Variants in FOXP1 observed in about 807,000 individuals in gnomAD.
FOXP1 encodes forkhead box P1, also known as forkhead box protein P1.
In FOXP1, 15 loss-of-function variants were observed where a neutral mutation model predicts 98.2. The ratio of observed to expected loss-of-function variants is 0.15; its 90% CI spans 0.10 to 0.24. The LOEUF (loss-of-function observed/expected upper bound fraction) is 0.24, where lower values mean the gene tolerates loss of function less well. Among genes scored for constraint, FOXP1 ranks in the 10% least tolerant of loss-of-function variants. The pLI, the probability that FOXP1 is intolerant of heterozygous loss-of-function variation, is 1.00. For missense variants in FOXP1, 633 were observed against 848.5 expected, an observed-to-expected ratio of 0.75 and a Z score of 3.15; for synonymous variants, 371 against 314.5, an observed-to-expected ratio of 1.18 and a Z score of -1.90.
chr3:71,284,234 T>C (rs534082929), intron 5 of FOXP1, among the ~76,000 whole-genome samples: 1 of 152,112 alleles, frequency 6.6e-6, no homozygotes, highest in South Asian at 2.1e-4. Flanking sequence ...TCTACTGATT[T>C]TCCCCCCTCT....
intron 12 of FOXP1, among the ~76,000 whole-genome samples, chr3:71,009,629 T>C (rs1337280642): frequency 1.3e-5 from 2 of 152,160 alleles, no homozygotes; most frequent in African/African-American, 4.8e-5. Context: ...TTTTTGGATA[T>C]TTAAAATTAC....
At chr3:71,008,046 GGA>G (rs2043024513) in intron 12 of FOXP1, among the ~76,000 whole-genome samples, 1 of 152,048 alleles carries the variant, frequency 6.6e-6, no homozygotes, top group African/African-American at 2.4e-5. Flanking sequence ...TTTTCAAATA[GGA>G]TACTAAGCAA....
At chr3:71,219,457 T>C (rs1396650896) in intron 5 of FOXP1, among the ~76,000 whole-genome samples, 4 of 152,210 alleles carry the variant, frequency 2.6e-5, no homozygotes, top group Non-Finnish European at 5.9e-5. Flanking sequence ...AACCAATACC[T>C]AATTCAGTCA....
chr3:71,125,257 C>G (rs1302915311), intron 6 of FOXP1, among the ~76,000 whole-genome samples: 1 of 152,118 alleles, frequency 6.6e-6, no homozygotes, highest in Non-Finnish European at 1.5e-5. Context: ...TTTATATAAA[C>G]AGAAAGTTTA....
At chr3:71,064,064 G>A (rs938110552) in intron 7 of FOXP1, among the ~76,000 whole-genome samples, 5 of 152,094 alleles carry the variant, frequency 3.3e-5, no homozygotes, top group African/African-American at 1.2e-4. Flanking sequence ...TCTGCTGCAC[G>A]TCCAAACCCA....
intron 17 of FOXP1, among the ~76,000 whole-genome samples, chr3:70,974,382 TGTATTCCTGG>T (rs1466867251): frequency 6.6e-6 from 1 of 152,172 alleles, no homozygotes; most frequent in African/African-American, 2.4e-5. Flanking sequence ...ACTGAAGCCT[TGTATTCCTGG>T]GCTCAAGCGA....
At chr3:70,965,462 C>T (rs892322501) in intron 20 of FOXP1, among the ~76,000 whole-genome samples, 8 of 152,176 alleles carry the variant, frequency 5.3e-5, no homozygotes, top group South Asian at 2.1e-4. Flanking sequence ...AATAATGCTG[C>T]GGCGGCGTGT....
chr3:71,501,125 G>A (rs561791021), intron 2 of FOXP1, among the ~76,000 whole-genome samples: 3 of 152,206 alleles, frequency 2.0e-5, no homozygotes, highest in South Asian at 4.2e-4. Context: ...CCGGGAGGCA[G>A]AGGTTGTAGT....
intron 5 of FOXP1, among the ~76,000 whole-genome samples, chr3:71,222,450 G>A (rs970146357): frequency 4.6e-5 from 7 of 151,962 alleles, no homozygotes; most frequent in South Asian, 4.2e-4. Flanking sequence ...ATGGAGTCTC[G>A]CTCTGTCGCC....
chr3:71,403,634 C>A (rs2082092381), intron 3 of FOXP1, among the ~76,000 whole-genome samples: 1 of 152,176 alleles, frequency 6.6e-6, no homozygotes, highest in Non-Finnish European at 1.5e-5. Flanking sequence ...GGATCACTTG[C>A]ACCTAGGAAT....
At chr3:71,030,252 T>C (rs1187089160) in intron 11 of FOXP1, among the ~76,000 whole-genome samples, 1 of 152,234 alleles carries the variant, frequency 6.6e-6, no homozygotes. Flanking sequence ...AACAACACAG[T>C]GGCCTGACAT....
At chr3:71,227,293 A>G (rs1013199081) in intron 5 of FOXP1, among the ~76,000 whole-genome samples, 1 of 152,116 alleles carries the variant, frequency 6.6e-6, no homozygotes, top group Non-Finnish European at 1.5e-5. Flanking sequence ...GAAGACCACG[A>G]CCACAGGGCA....
At position 71,156,678 on chromosome 3, in the gene FOXP1, T is replaced by C. The variant is rs1168881747; in HGVS notation, c.180+41524A>G. Reference sequence around the variant, plus strand: ...GCTCTTTTCTAATGGGCAGAGGCCATAGCATGAGTGGTAATTCAACATCAT... The same window carrying C: ...GCTCTTTTCTAATGGGCAGAGGCCACAGCATGAGTGGTAATTCAACATCAT... On this transcript the variant is annotated intron_variant, in intron 6 of 20. Coordinates refer to ENST00000649528, the MANE Select transcript of FOXP1 (RefSeq NM_001349338.3). 4.6e-5 allele frequency among the ~76,000 whole-genome samples: 7 copies of C among 152,354 alleles called. No homozygotes were observed. In the East Asian group the frequency reaches 9.6e-4, roughly 21 times the overall value.
intron 2 of FOXP1, among the ~76,000 whole-genome samples, chr3:71,553,171 G>A (rs888161433): frequency 2.0e-5 from 3 of 151,872 alleles, no homozygotes; most frequent in Non-Finnish European, 2.9e-5. Context: ...CTAAATTGAG[G>A]ATATTCTCAA....
intron 6 of FOXP1, among the ~76,000 whole-genome samples, chr3:71,117,424 C>G (rs1303061179): frequency 6.6e-6 from 1 of 152,098 alleles, no homozygotes; most frequent in African/African-American, 2.4e-5. Context: ...TGAGAATGGA[C>G]TTTTCTTATT....
intron 13 of FOXP1, among the ~76,000 whole-genome samples, chr3:70,995,272 A>G (rs1317698977): frequency 6.6e-6 from 1 of 152,134 alleles, no homozygotes; most frequent in Non-Finnish European, 1.5e-5. Flanking sequence ...GTGTTTCCTT[A>G]CAATCCTGGC....
At chr3:71,461,569 G>A (rs974820319) in intron 3 of FOXP1, among the ~76,000 whole-genome samples, 5 of 152,060 alleles carry the variant, frequency 3.3e-5, no homozygotes, top group African/African-American at 9.7e-5. Context: ...TTGGGAGGCC[G>A]AAGCGGGTGG....
chr3:71,335,795 A>C (rs1241334010), intron 4 of FOXP1, among the ~76,000 whole-genome samples: 4 of 152,094 alleles, frequency 2.6e-5, no homozygotes, highest in Non-Finnish European at 4.4e-5. Flanking sequence ...ACCTGAGTTC[A>C]GGAGTTTGAG....
chr3:71,360,419 G>A (rs1470098162), intron 3 of FOXP1: 2 of 152,132 alleles, frequency 1.3e-5, no homozygotes, highest in African/African-American at 4.8e-5. Flanking sequence ...CAGTCACTCT[G>A]TTCATGTGCT....
Sources: gnomAD v4.1 joint callset for allele counts (sites outside exome capture counted in the v4.1 genomes callset) on GRCh38, gnomAD v4.1.1 for gene constraint, MANE v1.5 for transcripts, NCBI Gene and HGNC (gene_info 2026-07-23, HGNC 2026-07-21) for gene names.